STAT4: variants seen among roughly 807,000 people sequenced by gnomAD.
The protein encoded by STAT4 is signal transducer and activator of transcription 4.
Under a neutral mutation model 110.5 loss-of-function variants are expected in STAT4, and 42 were observed. That is an observed-to-expected ratio of 0.38 (90% CI 0.30 to 0.49). The LOEUF (loss-of-function observed/expected upper bound fraction) is 0.49. Among genes scored for constraint, STAT4 ranks in the 20% least tolerant of loss-of-function variants. The probability of loss-of-function intolerance (pLI) is 0.95; values close to 1 mark genes in which losing one functional copy is unlikely to be tolerated. For missense variants in STAT4, 632 were observed against 887.9 expected (o/e 0.71, Z 3.66); for synonymous variants, 284 against 302.2 (o/e 0.94, Z 0.63).
In STAT4 at chr2:191,030,868, GTT is replaced by G. The variant is rs1324751420; in HGVS notation, c.2220+102_2220+103del. 3 of 1,031,906 alleles carry G rather than the reference GTT, an allele frequency of 2.9e-6. No homozygotes were observed. The African/African-American group carries it at 4.8e-5, about 16-fold the overall frequency. The allele number at this position is 1,031,906 out of a possible 1,614,324, so 63.9% of individuals were successfully genotyped here. The stretch of plus-strand genomic sequence containing the variant: ...CTCATGAATTTGTTCCAATAAATGT[GTT>G]TTCTCCCTACCCAGGCAGTATTTCA... On this transcript the variant is annotated intron_variant, in intron 23 of 23. Coordinates refer to ENST00000392320, the MANE Select transcript of STAT4 (RefSeq NM_003151.4). The surrounding 1 kb of genome is among the most constrained non-coding windows in gnomAD (Gnocchi z 4.4).
intron 3 of STAT4, among the ~76,000 whole-genome samples, chr2:191,123,310 AG>A (rs1698788484): frequency 6.6e-6 from 1 of 152,188 alleles, no homozygotes; most frequent in Non-Finnish European, 1.5e-5. Flanking sequence ...CCCGCTCCCT[AG>A]GTGAAGGCTA....
intron 13 of STAT4, among the ~76,000 whole-genome samples, chr2:191,054,772 G>C (rs569548277): frequency 2.0e-4 from 31 of 152,222 alleles, no homozygotes; most frequent in Non-Finnish European, 4.0e-4. Flanking sequence ...TAAGACTTTA[G>C]CTTTCAGTCA....
intron 3 of STAT4, among the ~76,000 whole-genome samples, chr2:191,105,407 A>G (rs1417918908): frequency 6.6e-6 from 1 of 152,228 alleles, no homozygotes; most frequent in African/African-American, 2.4e-5. Flanking sequence ...TATGCAACCT[A>G]TGCATGTTTG....
intron 3 of STAT4, 68 bp from the exon 4 acceptor site, chr2:191,076,393 T>C (rs1287960482): frequency 2.6e-6 from 3 of 1,164,404 alleles, no homozygotes; most frequent in African/African-American, 3.1e-5. Context: ...TAAGAAAATA[T>C]CACCTCTTGA....
At position 191,041,111 on chromosome 2, in the gene STAT4, G is replaced by C. The variant is rs758109437; in HGVS notation, c.1289C>G (p.Thr430Arg). 6.7e-7 allele frequency: 1 copy of C among 1,491,772 alleles called. No individual in the cohort carries two copies. Among genetic ancestry groups the C allele is most frequent in the Non-Finnish European group, 9.0e-7 (1 of 1,115,914 alleles). The allele number at this position is 1,491,772 out of a possible 1,614,324, so 92.4% of individuals were successfully genotyped here. ...ATAGAGGCAGATCTGTGTTTCAAAC[G>C]TTATGGAATGAAGTTCTTCAGTCAC... ...HMVTEELHSI[T>R]FETQICLYGL... The change falls in exon 15 of 24, where the codon ACG (threonine) becomes AGG (arginine). Residue 430 changes from threonine to arginine, a missense_variant. Thr to Arg is a moderately conservative substitution (Grantham distance 71). Around this residue, in one of 4 missense-constraint regions of STAT4, gnomAD observed 488 missense variants for 632.8 expected, o/e 0.77. Transcript: ENST00000392320.
At chr2:191,148,672 A>G (rs998303901) in intron 1 of STAT4, among the ~76,000 whole-genome samples, 6 of 152,160 alleles carry the variant, frequency 3.9e-5, no homozygotes, top group Non-Finnish European at 7.4e-5. Flanking sequence ...GAAATTGCCA[A>G]ATTTCTTTTT....
rs1320075506 is a variant in STAT4, at chr2:191,083,339, T to C, written c.274-7014A>G. The stretch of plus-strand genomic sequence containing the variant: ...GTGACAGAGTTATCTACTCAAGGAC[T>C]TTGGGAACTGGAGTATTTTCACATC... On this transcript the variant is annotated intron_variant, in intron 3 of 23. Transcript: ENST00000392320. This position sits in a 1 kb window ranked among gnomAD's most constrained non-coding sequence, Gnocchi z 4.6. Among the ~76,000 whole-genome samples the C allele has an allele frequency of 6.6e-6, 1 of 152,190 alleles. No homozygotes were observed. The highest frequency in any genetic ancestry group is 2.4e-5 in the African/African-American group (1 of 41,444).
At chr2:191,124,073 ACATGACATTTGATC>A (rs59224642) in intron 3 of STAT4, among the ~76,000 whole-genome samples, 92,496 of 151,992 alleles carry the variant, frequency 0.61, 28,922 homozygotes, top group South Asian at 0.78. Flanking sequence ...TGCAATAATG[ACATGACATTTGATC>A]CATTTAGTTA....
At position 191,073,221 on chromosome 2, in the gene STAT4, G is replaced by C. The variant is rs1553508697; in HGVS notation, c.373-31C>G. On this transcript the variant is annotated intron_variant, in intron 4 of 23. Coordinates refer to ENST00000392320, the MANE Select transcript of STAT4 (RefSeq NM_003151.4). ...AAAAGAATGTCTTGAAATCTCTCTG[G>C]TTTTGAAAAGGTTTATGATGAATGC... The C allele has an allele frequency of 8.8e-6, 14 of 1,595,946 alleles. No individual in the cohort carries two copies. The South Asian group carries it at 1.5e-4, about 18-fold the overall frequency.
rs754097678 is a variant in STAT4 at position 191,069,682 on chromosome 2, C to A, written c.544+11G>T. The A allele has an allele frequency of 5.0e-6, 8 of 1,603,026 alleles. No homozygotes were observed. The East Asian group carries it at 1.8e-4, about 36-fold the overall frequency. On this transcript the variant is annotated intron_variant, in intron 6 of 23. Transcript: ENST00000392320. ...TCTCTATGCATAATTATAGAAAAAA[C>A]AAAAACTTACCCATTGTCTGAATTG...
Position 191,062,153 on chromosome 2 carries a change from C to CA in STAT4, c.942-333dup, listed in dbSNP as rs1696866157. Among the ~76,000 whole-genome samples, 1 of 152,144 alleles carries CA rather than the reference C, an allele frequency of 6.6e-6. No individual in the cohort carries two copies. Among genetic ancestry groups the CA allele is most frequent in the South Asian group, 2.1e-4 (1 of 4,834 alleles). Reference sequence around the variant, plus strand: ...CACTGCAGTCTCAACCTCCTGAGCTCAAGTGATCCTCCTGCCTTGGCCTCC... The same window carrying CA: ...CACTGCAGTCTCAACCTCCTGAGCTCAAAGTGATCCTCCTGCCTTGGCCTCC... On this transcript the variant is annotated intron_variant, in intron 9 of 23. Transcript: ENST00000392320. The surrounding 1 kb of genome is among the most constrained non-coding windows in gnomAD (Gnocchi z 4.9).
intron 1 of STAT4, among the ~76,000 whole-genome samples, chr2:191,148,635 C>A (rs1429102964): frequency 6.6e-6 from 1 of 152,212 alleles, no homozygotes; most frequent in Non-Finnish European, 1.5e-5. Flanking sequence ...ATGTGAGGAA[C>A]AACCCCCCAA....
chr2:191,066,290 A>G lies in STAT4; in HGVS notation c.630+140T>C. 5.6e-6 allele frequency: 4 copies of G among 716,964 alleles called. No individual in the cohort carries two copies. The highest frequency in any genetic ancestry group is 9.4e-6 in the Non-Finnish European group (4 of 423,898). The allele number at this position is 716,964 out of a possible 1,614,324, so 44.4% of individuals were successfully genotyped here. On this transcript the variant is annotated intron_variant, in intron 7 of 23. Transcript: ENST00000392320. This position sits in a 1 kb window ranked among gnomAD's most constrained non-coding sequence, Gnocchi z 4.3. ...AGAGAAGCATGGCAAACAGCGTGGGACTGTTCCTAGAAACCTTGCCGTTTC... is the reference window on the plus strand; with the variant it reads ...AGAGAAGCATGGCAAACAGCGTGGGGCTGTTCCTAGAAACCTTGCCGTTTC...
rs1323562636 is a variant in STAT4, at chr2:191,104,042, G to A, written c.274-27717C>T. On this transcript the variant is annotated intron_variant, in intron 3 of 23. Transcript: ENST00000392320. This position sits in a 1 kb window ranked among gnomAD's most constrained non-coding sequence, Gnocchi z 4.3. ...GTTGCTAAGTGTTCTAGGTATCAAGGCCTTTGTGATAGCTTTTTGATGTAC... is the reference window on the plus strand; with the variant it reads ...GTTGCTAAGTGTTCTAGGTATCAAGACCTTTGTGATAGCTTTTTGATGTAC... Among the ~76,000 whole-genome samples, 2 of 152,054 alleles carry A rather than the reference G, an allele frequency of 1.3e-5. No homozygotes were observed. Among genetic ancestry groups the A allele is most frequent in the African/African-American group, 4.8e-5 (2 of 41,414 alleles).
intron 4 of STAT4, chr2:191,076,003 C>T (rs1168495378): frequency 2.1e-6 from 1 of 471,816 alleles, no homozygotes; most frequent in East Asian, 3.7e-5. Context: ...GCATGTGCCA[C>T]CATAGCCAAC....
In STAT4 at chr2:191,132,411, T is replaced by C. The variant is rs141245433; in HGVS notation, c.273+14202A>G. Among the ~76,000 whole-genome samples, 6 of 151,878 alleles carry C rather than the reference T, an allele frequency of 4.0e-5. 1 individual carries two copies. The highest frequency in any genetic ancestry group is 1.5e-4 in the African/African-American group (6 of 41,188). On this transcript the variant is annotated intron_variant, in intron 3 of 23. Coordinates refer to ENST00000392320, the MANE Select transcript of STAT4 (RefSeq NM_003151.4). The stretch of plus-strand genomic sequence containing the variant: ...AACGTCCTCAAAGATTACAGCATCA[T>C]TGAGAGCTTCTTGAAAAACTACTTG...
At chr2:191,079,235 T>TCACACACACACACACACGCACACACACA (rs147894714) in intron 3 of STAT4, among the ~76,000 whole-genome samples, 1 of 151,080 alleles carries the variant, frequency 6.6e-6, no homozygotes, top group East Asian at 1.9e-4. Context: ...ACTTGTCAAG[T>TCACACACACACACACACGCACACACACA]CACGCACACA....
chr2:191,062,719 T>G lies in STAT4; in HGVS notation c.941+43A>C, dbSNP rs763014553. 7.2e-5 allele frequency: 116 copies of G among 1,609,388 alleles called. No homozygotes were observed. Among genetic ancestry groups the G allele is most frequent in the Non-Finnish European group, 9.1e-5 (107 of 1,177,368 alleles). On this transcript the variant is annotated intron_variant, in intron 9 of 23. Transcript: ENST00000392320. The surrounding 1 kb of genome is among the most constrained non-coding windows in gnomAD (Gnocchi z 4.9). ...ACCAAAACCTTAGGAAGGGTGTTCT[T>G]ACTTCACAGAATGGAGGATGCCATT...
Position 191,033,679 on chromosome 2 carries a change from T to G in STAT4, c.1716-53A>C. On this transcript the variant is annotated intron_variant, in intron 19 of 23. Coordinates refer to ENST00000392320, the MANE Select transcript of STAT4 (RefSeq NM_003151.4). The surrounding 1 kb of genome is among the most constrained non-coding windows in gnomAD (Gnocchi z 6.9). The stretch of plus-strand genomic sequence containing the variant: ...CTGATCATTATTGGATTTTCACTTA[T>G]TGCATTTACAAAGACCTACAGTTTG... 1 of 1,589,932 alleles carries G rather than the reference T, an allele frequency of 6.3e-7. No individual in the cohort carries two copies. Among genetic ancestry groups the G allele is most frequent in the Non-Finnish European group, 8.5e-7 (1 of 1,169,970 alleles).
Sources: gnomAD v4.1 joint callset for allele counts (sites outside exome capture counted in the v4.1 genomes callset) on GRCh38, gnomAD v4.1.1 for gene constraint, gnomAD v4.1.1 regional missense constraint, Gnocchi (gnomAD v3.1) non-coding constraint, MANE v1.5 for transcripts, NCBI Gene and HGNC (gene_info 2026-07-23, HGNC 2026-07-21) for gene names.